Variants in CEP85L observed in about 807,000 individuals in gnomAD.
The protein encoded by CEP85L is centrosomal protein of 85 kDa-like.
In CEP85L, 60 loss-of-function variants were observed where a neutral mutation model predicts 100.3. The observed-to-expected ratio is 0.60, with a 90% CI of 0.49 to 0.74. The LOEUF (loss-of-function observed/expected upper bound fraction) is 0.74, where lower values mean the gene tolerates loss of function less well. CEP85L is among the 30% of genes least tolerant of loss of function. CEP85L has a pLI of 0.00. For missense variants in CEP85L, 973 were observed against 936.2 expected (o/e 1.04, Z -0.51); for synonymous variants, 319 against 322.7 (o/e 0.99, Z 0.12).
intron 3 of CEP85L, among the ~76,000 whole-genome samples, chr6:118,539,504 T>C (rs76862799): frequency 0.012 from 1,889 of 152,328 alleles, 16 homozygotes; most frequent in Non-Finnish European, 0.02. Flanking sequence ...GACAAATATG[T>C]TAAGGGACCA....
chr6:118,624,330 G>A (rs887017680), intron 2 of CEP85L, among the ~76,000 whole-genome samples: 5 of 152,054 alleles, frequency 3.3e-5, no homozygotes, highest in Non-Finnish European at 7.4e-5. Flanking sequence ...TGTAGCTCCT[G>A]CCAGGACAAA....
intron 7 of CEP85L, among the ~76,000 whole-genome samples, chr6:118,482,432 C>A (rs963363238): frequency 3.9e-5 from 6 of 152,160 alleles, no homozygotes; most frequent in Admixed American, 2.0e-4. Context: ...TAAGGTATCT[C>A]ATTAAGTGGA....
At chr6:118,708,685 A>C (rs1194508903) in intron 1 of CEP85L, among the ~76,000 whole-genome samples, 2 of 152,190 alleles carry the variant, frequency 1.3e-5, no homozygotes, top group African/African-American at 4.8e-5. Context: ...ACAGCATATA[A>C]AAAGGTTTAG....
chr6:118,567,177 A>C (rs9688457), intron 2 of CEP85L, among the ~76,000 whole-genome samples: 1 of 148,714 alleles, frequency 6.7e-6, no homozygotes, highest in Non-Finnish European at 1.5e-5. Context: ...GCATATATAT[A>C]TGTGTGTACA....
chr6:118,623,077 AC>A (rs1268864955), intron 2 of CEP85L, among the ~76,000 whole-genome samples: 3 of 152,126 alleles, frequency 2.0e-5, no homozygotes, highest in African/African-American at 7.2e-5. Context: ...AATACTTAAG[AC>A]CCTCCAACAA....
intron 2 of CEP85L, among the ~76,000 whole-genome samples, chr6:118,583,877 T>C (rs1352005932): frequency 6.6e-6 from 1 of 152,150 alleles, no homozygotes; most frequent in African/African-American, 2.4e-5. Flanking sequence ...TGGTCCCTAA[T>C]CCCTATACCC....
At position 118,600,298 on chromosome 6, in the gene CEP85L, GGGGTGTGTGTGT is replaced by G. The variant is rs1562297688; in HGVS notation, c.232+32143_232+32154del. 9.4e-3 allele frequency among the ~76,000 whole-genome samples: 555 copies of G among 59,186 alleles called. 83 individuals are homozygous for G. The highest frequency in any genetic ancestry group is 0.027 in the Admixed American group (179 of 6,524). 38.8% of individuals were successfully genotyped at this position (59,186 alleles called of 152,430 possible). On this transcript the variant is annotated intron_variant, in intron 2 of 12. Coordinates refer to ENST00000368491, the MANE Select transcript of CEP85L (RefSeq NM_001042475.3). Reference sequence around the variant, plus strand: ...TACTGCCTGTCCCTGAGCCTTCCTGGGGGTGTGTGTGTGTGTGTGTGTGTGTGTGTGTGTGTG... The same window carrying G: ...TACTGCCTGTCCCTGAGCCTTCCTGGGTGTGTGTGTGTGTGTGTGTGTGTG...
chr6:118,699,454 C>CA (rs34344065), intron 1 of CEP85L, among the ~76,000 whole-genome samples: 83,260 of 138,470 alleles, frequency 0.6, 25,103 homozygotes, highest in Non-Finnish European at 0.67. Context: ...GACCTTGTCT[C>CA]AAAAAAAAAA....
chr6:118,537,776 C>T, intron 3 of CEP85L: 1 of 985,318 alleles, frequency 1.0e-6, no homozygotes, highest in Non-Finnish European at 1.2e-6. Flanking sequence ...GACTGGAATA[C>T]AACCTCTGCA....
intron 1 of CEP85L, among the ~76,000 whole-genome samples, chr6:118,666,439 T>C (rs1776136075): frequency 6.6e-6 from 1 of 152,216 alleles, no homozygotes; most frequent in Non-Finnish European, 1.5e-5. Context: ...AACTCAATAC[T>C]TATGCTCTTT....
At chr6:118,596,548 C>A (rs1781465390) in intron 2 of CEP85L, among the ~76,000 whole-genome samples, 1 of 152,134 alleles carries the variant, frequency 6.6e-6, no homozygotes, top group Non-Finnish European at 1.5e-5. Flanking sequence ...AAAGCACACA[C>A]TAATTGGAAC....
chr6:118,498,595 T>G (rs1582916026), intron 5 of CEP85L, among the ~76,000 whole-genome samples: 3 of 102,910 alleles, frequency 2.9e-5, no homozygotes, highest in East Asian at 2.6e-4. Context: ...CCCAATCTGT[T>G]AAAAAAAAAA....
intron 1 of CEP85L, among the ~76,000 whole-genome samples, chr6:118,663,925 C>CTT (rs1310112453): frequency 7.4e-5 from 10 of 135,540 alleles, no homozygotes; most frequent in East Asian, 2.1e-4. Context: ...GAAGTTTTTC[C>CTT]TTTTTTTTTT....
At chr6:118,625,427 T>C (rs1773726734) in intron 2 of CEP85L, among the ~76,000 whole-genome samples, 1 of 152,208 alleles carries the variant, frequency 6.6e-6, no homozygotes, top group Non-Finnish European at 1.5e-5. Flanking sequence ...CTGGGTGGGC[T>C]TGGGACAGGA....
intron 5 of CEP85L, among the ~76,000 whole-genome samples, chr6:118,494,053 C>CA (rs1429403095): frequency 6.6e-6 from 1 of 152,104 alleles, no homozygotes; most frequent in East Asian, 1.9e-4. Context: ...GGTTACAGGG[C>CA]AAACTGCTGC....
intron 2 of CEP85L, among the ~76,000 whole-genome samples, chr6:118,628,987 C>T (rs368471385): frequency 1.5e-4 from 23 of 152,254 alleles, no homozygotes; most frequent in African/African-American, 5.1e-4. Flanking sequence ...CCTCCATATC[C>T]GCAGGTTCCA....
chr6:118,488,380 T>C (rs1038964924), intron 6 of CEP85L, among the ~76,000 whole-genome samples: 1 of 151,430 alleles, frequency 6.6e-6, no homozygotes, highest in Non-Finnish European at 1.5e-5. Flanking sequence ...CTAAAAAATA[T>C]AATAACTGAA....
chr6:118,618,915 T>C (rs1562314536), intron 2 of CEP85L, among the ~76,000 whole-genome samples: 1 of 152,172 alleles, frequency 6.6e-6, no homozygotes, highest in Non-Finnish European at 1.5e-5. Flanking sequence ...ATAGGACGCG[T>C]TGGCAAAGGG....
intron 3 of CEP85L, among the ~76,000 whole-genome samples, chr6:118,530,358 A>G (rs898082315): frequency 5.9e-5 from 9 of 151,790 alleles, no homozygotes; most frequent in African/African-American, 2.2e-4. Flanking sequence ...GAAGGAACAT[A>G]CTTAAAAATA....
Sources: allele counts gnomAD v4.1 joint callset (sites outside exome capture counted in the v4.1 genomes callset), GRCh38; gene constraint gnomAD v4.1.1; transcripts MANE v1.5; gene names NCBI Gene and HGNC (gene_info 2026-07-23, HGNC 2026-07-21).